The following LIX1 variants were observed in gnomAD, a reference collection of about 807,000 sequenced individuals.
LIX1 encodes protein limb expression 1 homolog.
Under a neutral mutation model 33.4 loss-of-function variants are expected in LIX1, and 24 were observed. That is an observed-to-expected ratio of 0.72 (90% CI 0.52 to 1.01). The LOEUF is 1.01. LIX1 is among the 50% of genes least tolerant of loss of function. The pLI is 0.00. For missense variants in LIX1, 311 were observed against 339.2 expected (o/e 0.92, Z 0.65); for synonymous variants, 124 against 124.0 (o/e 1.00, Z 0.00).
chr5:97,109,451 A>T (rs1214076430), intron 2 of LIX1, among the ~76,000 whole-genome samples: 1 of 152,124 alleles, frequency 6.6e-6, no homozygotes, highest in Non-Finnish European at 1.5e-5. Context: ...ACAGGGTCTC[A>T]CTATATTGCC....
chr5:97,105,902 G>A (rs1358658685), intron 3 of LIX1, among the ~76,000 whole-genome samples: 1 of 152,292 alleles, frequency 6.6e-6, no homozygotes, highest in East Asian at 1.9e-4. Flanking sequence ...CGACTCTGGC[G>A]TGGCTTTTGG....
At chr5:97,109,087 A>T (rs550282508) in intron 2 of LIX1, among the ~76,000 whole-genome samples, 1 of 151,918 alleles carries the variant, frequency 6.6e-6, no homozygotes, top group Non-Finnish European at 1.5e-5. Context: ...TCTCCTCCCC[A>T]TCTCCACAAA....
In LIX1 at chr5:97,094,830, A is replaced by G; in HGVS notation, c.767T>C (p.Leu256Pro). 1 of 1,614,218 alleles carries G rather than the reference A, an allele frequency of 6.2e-7. No individual in the cohort carries two copies. Among genetic ancestry groups the G allele is most frequent in the Non-Finnish European group, 8.5e-7 (1 of 1,180,038 alleles). ...GTCAGGGTCACTGCAGATCTGAGTC[A>G]GGGCTAAGCTCAATATTTCTTTCTT... ...KEKKEILSLA[L>P]TQICSDPDTS... The change falls in exon 6 of 6, where the codon CTG becomes CCG. Residue 256 changes from leucine to proline, a missense_variant. Physicochemically the swap from Leu to Pro is moderately conservative, Grantham distance 98 (BLOSUM62 -3). Coordinates refer to ENST00000274382, the MANE Select transcript of LIX1 (RefSeq NM_153234.5).
chr5:97,107,088 C>G (rs1747088122), intron 3 of LIX1, among the ~76,000 whole-genome samples: 1 of 152,178 alleles, frequency 6.6e-6, no homozygotes, highest in South Asian at 2.1e-4. Flanking sequence ...AGTAAACATT[C>G]ACTTAAACAT....
chr5:97,105,183 C>T lies in LIX1; in HGVS notation c.483+7G>A, dbSNP rs1561491557. 2.5e-6 allele frequency: 4 copies of T among 1,611,294 alleles called. No homozygotes were observed. The highest frequency in any genetic ancestry group is 3.4e-6 in the Non-Finnish European group (4 of 1,177,440). On this transcript the variant is annotated splice_region_variant and intron_variant, in intron 4 of 5. Coordinates refer to ENST00000274382, the MANE Select transcript of LIX1 (RefSeq NM_153234.5). ...ATCAAACAAATATGTGGCAGGCAGG[C>T]AGGTACCTGAAACTCCAGCATAGTC...
rs1746811172 is a variant in LIX1, at chr5:97,103,168, T to C, written c.483+2022A>G. 39 of 423,794 alleles carry C rather than the reference T, an allele frequency of 9.2e-5. 1 individual carries two copies. The highest frequency in any genetic ancestry group is 6.7e-4 in the South Asian group (39 of 58,060). The allele number at this position is 423,794 out of a possible 1,614,324, so 26.3% of individuals were successfully genotyped here. On this transcript the variant is annotated intron_variant, in intron 4 of 5. Coordinates refer to ENST00000274382, the MANE Select transcript of LIX1 (RefSeq NM_153234.5). ...TCTTTTTAAAAGTATTATTCCTCTG[T>C]TTAGTTTTAGATTGTTATGAAAAAA...
intron 1 of LIX1, among the ~76,000 whole-genome samples, chr5:97,141,112 A>C (rs891348495): frequency 6.8e-6 from 1 of 146,400 alleles, no homozygotes; most frequent in African/African-American, 2.5e-5. Context: ...TGGGCCAGTG[A>C]AAAACGTCCC....
intron 2 of LIX1, among the ~76,000 whole-genome samples, chr5:97,121,443 C>T (rs1471435108): frequency 5.9e-5 from 9 of 152,100 alleles, no homozygotes; most frequent in Non-Finnish European, 8.8e-5. Flanking sequence ...ATCTGCATGT[C>T]TCCTGTACTG....
intron 2 of LIX1, among the ~76,000 whole-genome samples, chr5:97,114,189 G>C (rs933571511): frequency 5.3e-5 from 8 of 152,240 alleles, no homozygotes; most frequent in African/African-American, 1.9e-4. Context: ...CTCTTCAAGA[G>C]CAAAAGTCAT....
chr5:97,126,142 C>T (rs1369747563), intron 1 of LIX1, among the ~76,000 whole-genome samples: 3 of 152,238 alleles, frequency 2.0e-5, no homozygotes, highest in Admixed American at 6.5e-5. Context: ...AGTCAACACT[C>T]ATGTTTTTTC....
chr5:97,094,981 T>C lies in LIX1; in HGVS notation c.616A>G (p.Met206Val). 2 of 1,614,164 alleles carry C rather than the reference T, an allele frequency of 1.2e-6. No individual in the cohort carries two copies. The highest frequency in any genetic ancestry group is 1.1e-5 in the South Asian group (1 of 91,076). The change falls in exon 6 of 6, where the codon ATG becomes GTG. Residue 206 changes from methionine to valine, a missense_variant. Transcript: ENST00000274382. ...TCCTTCATGATCCAGTCCAGGGCCA[T>C]GTGGCTGCGCATCTTTTCATCTAGA... The part of the protein sequence containing the change: ...YSLDEKMRSH[M>V]ALDWIMKERD...
rs577508672 is a variant in LIX1, at chr5:97,135,126, ACT to A, written c.82+7367_82+7368del. Among the ~76,000 whole-genome samples the A allele has an allele frequency of 1.3e-3, 202 of 152,176 alleles. 2 individuals carry two copies. The highest frequency in any genetic ancestry group is 4.6e-3 in the African/African-American group (189 of 41,492). ...TTTTACAAAGTTAACCTCTCAGGAG[ACT>A]CTGCAAAACATGCAAAAGGGATATC... On this transcript the variant is annotated intron_variant, in intron 1 of 5. Coordinates refer to ENST00000274382, the MANE Select transcript of LIX1 (RefSeq NM_153234.5).
intron 2 of LIX1, among the ~76,000 whole-genome samples, chr5:97,119,730 T>G (rs1047265161): frequency 6.6e-6 from 1 of 152,018 alleles, no homozygotes; most frequent in African/African-American, 2.4e-5. Flanking sequence ...TCATTTTGTT[T>G]CCTATTTCTT....
intron 5 of LIX1, among the ~76,000 whole-genome samples, chr5:97,095,887 C>G (rs1185742023): frequency 2.0e-5 from 3 of 152,036 alleles, no homozygotes; most frequent in South Asian, 4.2e-4. Flanking sequence ...ATTTCAAAGG[C>G]CTTTTGTAAA....
intron 1 of LIX1, among the ~76,000 whole-genome samples, chr5:97,140,033 A>G (rs935957770): frequency 6.6e-6 from 1 of 152,214 alleles, no homozygotes; most frequent in African/African-American, 2.4e-5. Flanking sequence ...TGCTTTTTCT[A>G]ACCAACTTGA....
chr5:97,107,581 C>T lies in LIX1; in HGVS notation c.247-81G>A, dbSNP rs115415106. 3,002 of 1,421,884 alleles carry T rather than the reference C, an allele frequency of 2.1e-3. 25 individuals carry two copies. In the African/African-American group the frequency reaches 0.022, roughly 10 times the overall value. 88.1% of individuals were successfully genotyped at this position (1,421,884 alleles called of 1,614,324 possible). A position where few individuals can be genotyped will look rare whatever the true frequency, so the allele number is the denominator to read the frequency against. Reference sequence around the variant, plus strand: ...ACTCCTGCATCAATGGGTCTCTGGACATTTCTATTTATACATTTACTGTCC... The same window carrying T: ...ACTCCTGCATCAATGGGTCTCTGGATATTTCTATTTATACATTTACTGTCC... On this transcript the variant is annotated intron_variant, in intron 2 of 5. Transcript: ENST00000274382.
intron 2 of LIX1, among the ~76,000 whole-genome samples, chr5:97,115,910 G>A (rs1244740891): frequency 6.6e-6 from 1 of 152,150 alleles, no homozygotes; most frequent in Non-Finnish European, 1.5e-5. Flanking sequence ...TACCCAAGGG[G>A]TTTTCCAAAG....
intron 2 of LIX1, among the ~76,000 whole-genome samples, chr5:97,123,044 G>A (rs1747822706): frequency 1.3e-5 from 2 of 152,076 alleles, no homozygotes; most frequent in Admixed American, 1.3e-4. Flanking sequence ...CACATCTCTC[G>A]GTTTCCATAA....
intron 4 of LIX1, among the ~76,000 whole-genome samples, chr5:97,100,594 T>A (rs1746643137): frequency 6.6e-6 from 1 of 152,244 alleles, no homozygotes. Flanking sequence ...CCCAAAACTA[T>A]TAGCTCTTGG....
Sources: allele counts gnomAD v4.1 joint callset (sites outside exome capture counted in the v4.1 genomes callset), GRCh38; gene constraint gnomAD v4.1.1; transcripts MANE v1.5; gene names NCBI Gene and HGNC (gene_info 2026-07-23, HGNC 2026-07-21).